The following PLEKHA5 variants were observed in gnomAD, a reference collection of about 807,000 sequenced individuals.
PLEKHA5 encodes pleckstrin homology domain containing A5.
In PLEKHA5, 55 loss-of-function variants were observed where a neutral mutation model predicts 181.9. The ratio of observed to expected loss-of-function variants is 0.30; its 90% CI spans 0.24 to 0.38. The LOEUF (loss-of-function observed/expected upper bound fraction) is 0.38, where lower values mean the gene tolerates loss of function less well. Ranked by LOEUF, PLEKHA5 falls within the 10% of genes least tolerant of loss-of-function variation. PLEKHA5 has a pLI of 1.00. For missense variants in PLEKHA5, 1,432 were observed against 1,549.5 expected, an observed-to-expected ratio of 0.92 and a Z score of 1.27; for synonymous variants, 535 against 529.4, an observed-to-expected ratio of 1.01 and a Z score of -0.15.
intron 3 of PLEKHA5, among the ~76,000 whole-genome samples, chr12:19,157,065 C>A (rs893475943): frequency 2.2e-5 from 3 of 137,588 alleles, no homozygotes; most frequent in Non-Finnish European, 4.7e-5. Context: ...CCAAAAAAAA[C>A]CATATATATG....
At chr12:19,178,287 T>A (rs2047770952) in intron 3 of PLEKHA5, among the ~76,000 whole-genome samples, 1 of 152,226 alleles carries the variant, frequency 6.6e-6, no homozygotes. Context: ...GTACATTATA[T>A]TTTGTTCAGA....
chr12:19,297,825 G>T (rs1461869321), intron 15 of PLEKHA5, among the ~76,000 whole-genome samples: 1 of 149,696 alleles, frequency 6.7e-6, no homozygotes, highest in East Asian at 2.0e-4. Context: ...GGGATAGATT[G>T]TCAACAGAGT....
rs112679929 is a variant in PLEKHA5, at chr12:19,367,254, T to G, written c.3754+1145T>G. On this transcript the variant is annotated intron_variant, in intron 30 of 31. Coordinates refer to ENST00000429027, the MANE Select transcript of PLEKHA5 (RefSeq NM_001256470.2). Reference sequence around the variant, plus strand: ...AATTAGTGCATATTATCGCTTTGCTTCTTCTTTTTTTTTTTTTTTTTTTTT... The same window carrying G: ...AATTAGTGCATATTATCGCTTTGCTGCTTCTTTTTTTTTTTTTTTTTTTTT... Among the ~76,000 whole-genome samples the G allele has an allele frequency of 8.3e-4, 102 of 123,058 alleles. 1 individual carries two copies. The highest frequency in any genetic ancestry group is 4.1e-3 in the South Asian group (15 of 3,632). 80.7% of individuals were successfully genotyped at this position (123,058 alleles called of 152,430 possible).
At chr12:19,219,567 G>T (rs2058605215) in intron 3 of PLEKHA5, among the ~76,000 whole-genome samples, 1 of 149,414 alleles carries the variant, frequency 6.7e-6, no homozygotes, top group African/African-American at 2.5e-5. Context: ...AATTTACAGA[G>T]ATTTGTTACT....
chr12:19,242,233 G>GT (rs201771165), intron 3 of PLEKHA5, among the ~76,000 whole-genome samples: 3,253 of 77,184 alleles, frequency 0.042, 44 homozygotes, highest in Non-Finnish European at 0.096. Context: ...TCCTTTTTTT[G>GT]TTTTTTTTTG....
At chr12:19,292,086 C>T (rs191022328) in intron 15 of PLEKHA5, among the ~76,000 whole-genome samples, 1 of 152,164 alleles carries the variant, frequency 6.6e-6, no homozygotes, top group Non-Finnish European at 1.5e-5. Context: ...GTAGTGTGCT[C>T]TGTATTCCTA....
chr12:19,162,511 T>A (rs1024699690), intron 3 of PLEKHA5, among the ~76,000 whole-genome samples: 1 of 150,996 alleles, frequency 6.6e-6, no homozygotes, highest in Non-Finnish European at 1.5e-5. Context: ...ACATGTGAAA[T>A]GATTGACAAA....
At chr12:19,156,895 CAAA>C (rs3056381) in intron 3 of PLEKHA5, among the ~76,000 whole-genome samples, 1 of 130,536 alleles carries the variant, frequency 7.7e-6, no homozygotes. Context: ...CAAAAAATAC[CAAA>C]AAAAAAAAAA....
At chr12:19,223,437 T>C (rs1031748455) in intron 3 of PLEKHA5, among the ~76,000 whole-genome samples, 2 of 152,160 alleles carry the variant, frequency 1.3e-5, no homozygotes, top group African/African-American at 4.8e-5. Flanking sequence ...ACCAATACTT[T>C]AGAACACCAG....
chr12:19,273,785 G>A (rs1288548942), intron 10 of PLEKHA5, among the ~76,000 whole-genome samples: 2 of 152,044 alleles, frequency 1.3e-5, no homozygotes, highest in African/African-American at 2.4e-5. Flanking sequence ...TGCTTGATGT[G>A]TTGGAATTAT....
chr12:19,212,536 C>T (rs983882309), intron 3 of PLEKHA5, among the ~76,000 whole-genome samples: 1 of 151,882 alleles, frequency 6.6e-6, no homozygotes, highest in African/African-American at 2.4e-5. Flanking sequence ...CAAAAATTAG[C>T]CAGGCATGGT....
chr12:19,233,519 AT>A (rs1310937469), intron 3 of PLEKHA5, among the ~76,000 whole-genome samples: 2 of 152,176 alleles, frequency 1.3e-5, no homozygotes, highest in African/African-American at 4.8e-5. Flanking sequence ...AATTTACGGT[AT>A]TCAGAACACC....
intron 3 of PLEKHA5, among the ~76,000 whole-genome samples, chr12:19,244,054 G>A (rs2063168945): frequency 6.6e-6 from 1 of 152,120 alleles, no homozygotes; most frequent in Non-Finnish European, 1.5e-5. Flanking sequence ...GAAACATTAA[G>A]AAATTTTATA....
At chr12:19,280,318 G>A (rs2075774516) in intron 11 of PLEKHA5, among the ~76,000 whole-genome samples, 1 of 152,022 alleles carries the variant, frequency 6.6e-6, no homozygotes, top group East Asian at 1.9e-4. Context: ...TTACAGGGGT[G>A]AGCCGCTGCA....
At chr12:19,356,929 G>A (rs919223677) in intron 26 of PLEKHA5, among the ~76,000 whole-genome samples, 11 of 152,190 alleles carry the variant, frequency 7.2e-5, no homozygotes, top group African/African-American at 2.6e-4. Context: ...AAAGTGTTGG[G>A]ATTACAGGTG....
At chr12:19,340,430 C>G (rs2093787094) in intron 21 of PLEKHA5, among the ~76,000 whole-genome samples, 1 of 108,036 alleles carries the variant, frequency 9.3e-6, no homozygotes, top group Non-Finnish European at 2.3e-5. Context: ...CTCTGCCCGG[C>G]CACCACCCCG....
intron 15 of PLEKHA5, among the ~76,000 whole-genome samples, chr12:19,314,388 T>C (rs932968523): frequency 1.3e-5 from 2 of 152,200 alleles, no homozygotes; most frequent in African/African-American, 4.8e-5. Flanking sequence ...ACTAATTTTT[T>C]ATAACCTTAC....
intron 5 of PLEKHA5, among the ~76,000 whole-genome samples, 173 bp downstream of exon 5, chr12:19,255,338 T>C (rs902706769): frequency 1.3e-5 from 2 of 152,096 alleles, no homozygotes; most frequent in African/African-American, 4.8e-5. Context: ...AAGATTGTAA[T>C]TCAGTGACTT....
intron 3 of PLEKHA5, among the ~76,000 whole-genome samples, chr12:19,170,681 G>C (rs895053001): frequency 6.6e-6 from 1 of 152,230 alleles, no homozygotes; most frequent in African/African-American, 2.4e-5. Context: ...GCCTCCCAAA[G>C]TGTTGGGATT....
Sources: gnomAD v4.1 joint callset for allele counts (sites outside exome capture counted in the v4.1 genomes callset) on GRCh38, gnomAD v4.1.1 for gene constraint, MANE v1.5 for transcripts, NCBI Gene and HGNC (gene_info 2026-07-23, HGNC 2026-07-21) for gene names.